Variants in MYH2 observed in about 807,000 individuals in gnomAD.
MYH2 encodes the protein myosin heavy chain 2.
MYH2 carries 139 observed loss-of-function variants against 228.1 expected under a neutral mutation model. The observed-to-expected ratio is 0.61, with a 90% confidence interval of 0.53 to 0.70. The LOEUF (loss-of-function observed/expected upper bound fraction) is 0.70, where lower values mean the gene tolerates loss of function less well. Among genes scored for constraint, MYH2 ranks in the 30% least tolerant of loss-of-function variants. The pLI is 0.00. For synonymous variants in MYH2, 796 were observed against 871.1 expected (o/e 0.91, Z 1.52); for missense variants, 1,809 against 2,357.5 (o/e 0.77, Z 4.82).
At position 10,535,332 on chromosome 17, in the gene MYH2, T is replaced by G; in HGVS notation, c.2008A>C (p.Ser670Arg). Residue 670 changes from serine to arginine, a missense_variant, in exon 18 of 40, where the codon AGT (serine) becomes CGT (arginine). By Grantham distance (110) the Ser-to-Arg change is moderately radical. Transcript: ENST00000245503. ...CACCTCACAAAGTGAGGATGGGTAC[T>G]CCTGAGGTTGGTCATCAGCTTGTTC... The part of the protein sequence containing the change: ...NLNKLMTNLR[S>R]THPHFVRCII... 1 of 1,614,202 alleles carries G rather than the reference T, an allele frequency of 6.2e-7. No homozygotes were observed. Among genetic ancestry groups the G allele is most frequent in the Non-Finnish European group, 8.5e-7 (1 of 1,180,030 alleles).
chr17:10,538,527 C>T (rs2142312083), intron 14 of MYH2, among the ~76,000 whole-genome samples: 1 of 151,736 alleles, frequency 6.6e-6, no homozygotes, highest in East Asian at 1.9e-4. Context: ...TGCCTGTAGT[C>T]CCAGCTATTC....
At position 10,524,910 on chromosome 17, in the gene MYH2, C is replaced by T. The variant is rs201177363; in HGVS notation, c.4818G>A (p.Thr1606=). 85 of 1,613,890 alleles carry T rather than the reference C, an allele frequency of 5.3e-5. No individual in the cohort carries two copies. In the Admixed American group the frequency reaches 9.0e-4, roughly 17 times the overall value. The part of the protein sequence containing the change: ...HIRIVESMQS[T]LDAEIRSRND... ...TCCTACTCCTGATCTCAGCATCCAGCGTGCTCTGCATGGACTCCACGATTC... is the reference window on the plus strand; with the variant it reads ...TCCTACTCCTGATCTCAGCATCCAGTGTGCTCTGCATGGACTCCACGATTC... Residue 1606 remains threonine, a synonymous_variant, in exon 34 of 40, where the codon ACG becomes ACA. Transcript: ENST00000245503. The surrounding 1 kb of genome is among the most constrained non-coding windows in gnomAD (Gnocchi z 4.7).
intron 2 of MYH2, among the ~76,000 whole-genome samples, chr17:10,548,754 A>G (rs920393866): frequency 2.6e-5 from 4 of 152,160 alleles, no homozygotes; most frequent in African/African-American, 4.8e-5. Context: ...GCTCCGTTCT[A>G]TGTGATCTGT....
rs539113760 is a variant in MYH2, at chr17:10,534,327, G to A, written c.2181-695C>T. 3.3e-5 allele frequency among the ~76,000 whole-genome samples: 5 copies of A among 152,316 alleles called. No homozygotes were observed. The East Asian group carries it at 7.7e-4, about 23-fold the overall frequency. Reference sequence around the variant, plus strand: ...CAAAGGAAATGACAGAAAATGAATAGCTATGTTTGTATGGAAGAGTTTCTA... The same window carrying A: ...CAAAGGAAATGACAGAAAATGAATAACTATGTTTGTATGGAAGAGTTTCTA... On this transcript the variant is annotated intron_variant, in intron 19 of 39. Coordinates refer to ENST00000245503, the MANE Select transcript of MYH2 (RefSeq NM_017534.6).
Position 10,521,325 on chromosome 17 carries a change from C to G in MYH2, c.5781G>C (p.Arg1927=). The G allele has an allele frequency of 6.2e-7, 1 of 1,614,134 alleles. No homozygotes were observed. Among genetic ancestry groups the G allele is most frequent in the South Asian group, 1.1e-5 (1 of 91,084 alleles). ...TTGTGTGAACCTCCCGGCTCTTCACCCGCAGTTTGTTCACCTGGGACTCAG... is the reference window on the plus strand; with the variant it reads ...TTGTGTGAACCTCCCGGCTCTTCACGCGCAGTTTGTTCACCTGGGACTCAG... ...DIAESQVNKL[R]VKSREVHTKV... Residue 1927 remains arginine (R), a synonymous_variant, in exon 40 of 40, where the codon CGG becomes CGC. Coordinates refer to ENST00000245503, the MANE Select transcript of MYH2 (RefSeq NM_017534.6).
Position 10,547,601 on chromosome 17 carries a change from A to G in MYH2, c.222T>C (p.Asp74=), listed in dbSNP as rs764809852. The part of the protein sequence containing the change: ...TEGGATLTVK[D]DQVFPMNPPK... Reference sequence around the variant, plus strand: ...GAGGGTTCATGGGGAAGACCTGATCATCCTTCACTGTCAGAGTCTGGTAAA... The same window carrying G: ...GAGGGTTCATGGGGAAGACCTGATCGTCCTTCACTGTCAGAGTCTGGTAAA... Residue 74 remains aspartate (D), a synonymous_variant, in exon 4 of 40, where the codon GAT becomes GAC. Coordinates refer to ENST00000245503, the MANE Select transcript of MYH2 (RefSeq NM_017534.6). 2.5e-6 allele frequency: 4 copies of G among 1,614,094 alleles called. No homozygotes were observed. In the South Asian group the frequency reaches 4.4e-5, roughly 18 times the overall value.
At position 10,547,749 on chromosome 17, in the gene MYH2, C is replaced by T; in HGVS notation, c.172G>A (p.Gly58Arg). 1.2e-6 allele frequency: 2 copies of T among 1,614,100 alleles called. No individual in the cohort carries two copies. The highest frequency in any genetic ancestry group is 2.2e-5 in the East Asian group (1 of 44,896). The change falls in exon 3 of 40, where the codon GGA becomes AGA. Residue 58 changes from glycine to arginine, a missense_variant. Transcript: ENST00000245503. ...VKGTIQSREG[G>R]KVTVKTEGGA... Reference sequence around the variant, plus strand: ...CCCTCAGTCTTCACCGTCACTTTTCCTCCTTCTCTGCTCTGGATGGTCCCT... The same window carrying T: ...CCCTCAGTCTTCACCGTCACTTTTCTTCCTTCTCTGCTCTGGATGGTCCCT...
rs778284203 is a variant in MYH2 at position 10,528,732 on chromosome 17, A to T, written c.3702T>A (p.Ile1234=). The stretch of plus-strand genomic sequence containing the variant: ...TTTCTACATTACTAGCAAGGTCATC[A>T]ATCTCCATCTTCATCTCACTCTTCT... ...EKEKSEMKME[I]DDLASNVETV... is the part of the protein sequence containing the mutation. Residue 1234 remains isoleucine (I), a synonymous_variant, in exon 27 of 40, where the codon ATT becomes ATA. Transcript: ENST00000245503. 5 of 1,613,978 alleles carry T rather than the reference A, an allele frequency of 3.1e-6. No homozygotes were observed. In the Admixed American group the frequency reaches 6.7e-5, roughly 22 times the overall value.
chr17:10,536,729 G>T, intron 16 of MYH2, 123 bp from the exon 17 acceptor site: 1 of 855,380 alleles, frequency 1.2e-6, no homozygotes, highest in Admixed American at 2.1e-5. Flanking sequence ...CTCTGATTGA[G>T]CCTGAATGAA....
At position 10,524,758 on chromosome 17, in the gene MYH2, T is replaced by G. The variant is rs1567727491; in HGVS notation, c.4970A>C (p.Lys1657Thr). The G allele has an allele frequency of 1.9e-6, 3 of 1,614,198 alleles. No individual in the cohort carries two copies. Among genetic ancestry groups the G allele is most frequent in the Non-Finnish European group, 1.7e-6 (2 of 1,180,038 alleles). ...GGACCATCTCTTGGACATATTTACC[T>G]TGAGGATGCCTTGGGTGTTCCTGTA... ...RNYRNTQGIL[K>T]DTQIHLDDAL... is the part of the protein sequence containing the mutation. The change falls in exon 34 of 40, where the codon AAG becomes ACG. Residue 1657 changes from lysine to threonine, a missense_variant and splice_region_variant. By Grantham distance (78) the Lys-to-Thr change is moderately conservative. Transcript: ENST00000245503. The surrounding 1 kb of genome is among the most constrained non-coding windows in gnomAD (Gnocchi z 4.7).
chr17:10,528,085 C>T (rs1386052140), intron 27 of MYH2, among the ~76,000 whole-genome samples: 1 of 138,952 alleles, frequency 7.2e-6, no homozygotes, highest in African/African-American at 2.6e-5. Context: ...TGCTCTGTCC[C>T]CAGGCTGGAG....
intron 4 of MYH2, among the ~76,000 whole-genome samples, 177 bp downstream of exon 4, chr17:10,547,298 G>C (rs1037838731): frequency 2.6e-5 from 4 of 152,146 alleles, no homozygotes; most frequent in Admixed American, 2.0e-4. Context: ...GGGAAAACAA[G>C]GAAGTGCTGG....
chr17:10,528,047 C>CTTTTTTTTTTT (rs71365770), intron 27 of MYH2, among the ~76,000 whole-genome samples, 173 bp from the exon 28 acceptor site: 1 of 131,872 alleles, frequency 7.6e-6, no homozygotes, highest in Non-Finnish European at 1.6e-5. Flanking sequence ...TTCTTTCTTT[C>CTTTTTTTTTTT]TTTTTTTTTT....
intron 14 of MYH2, among the ~76,000 whole-genome samples, chr17:10,538,438 G>A (rs1348357399): frequency 3.3e-5 from 5 of 151,984 alleles, no homozygotes; most frequent in African/African-American, 2.4e-5. Flanking sequence ...TCAGAAGATC[G>A]AGACCATTCT....
In MYH2 at chr17:10,529,423, C is replaced by T. The variant is rs371178030; in HGVS notation, c.3176G>A (p.Arg1059Lys). Residue 1059 changes from arginine to lysine, a missense_variant, in exon 25 of 40, where the codon AGG becomes AAG. Around this residue, in one of 9 missense-constraint regions of MYH2, gnomAD observed 636 missense variants for 729.9 expected, o/e 0.87. Transcript: ENST00000245503. ...KLRMDLERAK[R>K]KLEGDLKLAQ... is the part of the protein sequence containing the mutation. ...CAACTTCAAGTCACCCTCAAGTTTC[C>T]TCTTAGCCCTTTCTAGGTCCATGCG... is the stretch of plus-strand genomic sequence containing the variant. 1 of 1,614,080 alleles carries T rather than the reference C, an allele frequency of 6.2e-7. No homozygotes were observed. The highest frequency in any genetic ancestry group is 1.3e-5 in the African/African-American group (1 of 74,942).
rs375334939 is a variant in MYH2, at chr17:10,535,185, T to C, written c.2068A>G (p.Met690Val). 1.1e-5 allele frequency: 17 copies of C among 1,614,016 alleles called. No individual in the cohort carries two copies. Among genetic ancestry groups the C allele is most frequent in the Non-Finnish European group, 1.4e-5 (17 of 1,180,024 alleles). The change falls in exon 19 of 40, where the codon ATG becomes GTG. Residue 690 changes from methionine to valine, a missense_variant. Around this residue, in one of 9 missense-constraint regions of MYH2, gnomAD observed 276 missense variants for 344.2 expected, o/e 0.80. Transcript: ENST00000245503. ...TGGTGGAGGACAAGCTCATGCTCCA[T>C]GGCACCTAAAAATGCATATTTATTT... ...IPNETKTPGA[M>V]EHELVLHQLR...
At position 10,543,086 on chromosome 17, in the gene MYH2, C is replaced by A; in HGVS notation, c.805+12G>T. On this transcript the variant is annotated intron_variant, in intron 9 of 39. Transcript: ENST00000245503. ...GAATCAGAAATGATTTTAAAGATAT[C>A]TGAACACTTACATGTTTCAATATCA... is the stretch of plus-strand genomic sequence containing the variant. 3.7e-6 allele frequency: 6 copies of A among 1,608,986 alleles called. No homozygotes were observed. The highest frequency in any genetic ancestry group is 5.1e-6 in the Non-Finnish European group (6 of 1,175,614).
chr17:10,537,200 A>T lies in MYH2; in HGVS notation c.1897+33T>A. The T allele has an allele frequency of 6.2e-7, 1 of 1,613,148 alleles. No individual in the cohort carries two copies. The highest frequency in any genetic ancestry group is 1.3e-5 in the African/African-American group (1 of 75,040). On this transcript the variant is annotated intron_variant, in intron 16 of 39. Transcript: ENST00000245503. This position sits in a 1 kb window ranked among gnomAD's most constrained non-coding sequence, Gnocchi z 4.0. ...TCAATTTAACATCACATTTTGTAAT[A>T]CCTAGAGAGTATTATTAACATTTGA...
chr17:10,531,506 G>T (rs2073423041), intron 22 of MYH2, 127 bp downstream of exon 22: 1 of 1,316,500 alleles, frequency 7.6e-7, no homozygotes, highest in Non-Finnish European at 1.1e-6. Context: ...TCGTGCCATT[G>T]GAGTGTTTTA....
Sources: gnomAD v4.1 joint callset for allele counts (sites outside exome capture counted in the v4.1 genomes callset) on GRCh38, gnomAD v4.1.1 for gene constraint, gnomAD v4.1.1 regional missense constraint, Gnocchi (gnomAD v3.1) non-coding constraint, MANE v1.5 for transcripts, NCBI Gene and HGNC (gene_info 2026-07-23, HGNC 2026-07-21) for gene names.